STS: variants seen among roughly 807,000 people sequenced by gnomAD.
STS encodes the protein steroid sulfatase.
In STS, 7 loss-of-function variants were observed where a neutral mutation model predicts 26.8. The observed-to-expected ratio is 0.26, with a 90% CI of 0.15 to 0.49. The LOEUF is 0.49. Ranked by LOEUF, STS falls within the 20% of genes least tolerant of loss-of-function variation. STS has a pLI of 0.98. For synonymous variants in STS, 199 were observed against 189.4 expected (o/e 1.05, Z -0.42); for missense variants, 434 against 465.6 (o/e 0.93, Z 0.63).
At position 7,308,092 on chromosome X, in the gene STS, C is replaced by T. The variant is rs1444693747; in HGVS notation, c.1081+2909C>T. 3.6e-5 allele frequency among the ~76,000 whole-genome samples: 4 copies of T among 112,283 alleles called. No individual in the cohort carries two copies. In the East Asian group the frequency reaches 1.1e-3, roughly 32 times the overall value. On this transcript the variant is annotated intron_variant, in intron 8 of 10. Coordinates refer to ENST00000674429, the MANE Select transcript of STS (RefSeq NM_001320752.2). ...CTGCCTGGGGGAGTCCAGCAGGCCC[C>T]TAAGAGGGGTCCCTGCTCCATCTCA...
chrX:7,209,985 A>G (rs1289433345), intron 2 of STS, among the ~76,000 whole-genome samples: 7 of 111,684 alleles, frequency 6.3e-5, no homozygotes, highest in Admixed American at 5.7e-4. Context: ...GTAGTATTCC[A>G]TGATGTATAT....
intron 1 of STS, among the ~76,000 whole-genome samples, chrX:7,185,242 C>A (rs16984430): frequency 0.016 from 1,852 of 112,943 alleles, 36 homozygotes; most frequent in African/African-American, 0.053. Flanking sequence ...TCAAGGCCAA[C>A]AATGAACAGA....
chrX:7,340,255 G>A (rs1382839195), intron 10 of STS, among the ~76,000 whole-genome samples: 1 of 110,585 alleles, frequency 9.0e-6, no homozygotes, highest in Admixed American at 9.7e-5. Flanking sequence ...ACTTCAACAC[G>A]GGGTGTCTCT....
chrX:7,201,277 T>A lies in STS; in HGVS notation c.-5+10269T>A, dbSNP rs746736436. On this transcript the variant is annotated intron_variant, in intron 2 of 10. Transcript: ENST00000674429. ...GATGGATGGATAGATAGATAGCAGTTTCCATTTCTGTACTTTTATGGTTTT... is the reference window on the plus strand; with the variant it reads ...GATGGATGGATAGATAGATAGCAGTATCCATTTCTGTACTTTTATGGTTTT... Among the ~76,000 whole-genome samples the A allele has an allele frequency of 2.7e-5, 3 of 111,753 alleles. No individual in the cohort carries two copies. The South Asian group carries it at 1.1e-3, about 42-fold the overall frequency.
chrX:7,246,347 G>A (rs1292034958), intron 2 of STS, among the ~76,000 whole-genome samples: 3 of 108,890 alleles, frequency 2.8e-5, no homozygotes, highest in African/African-American at 1.0e-4. Flanking sequence ...TGTCGCTCAG[G>A]CTGGAGTGCA....
At chrX:7,345,320 G>A (rs1245256591) in intron 10 of STS, among the ~76,000 whole-genome samples, 2 of 111,766 alleles carry the variant, frequency 1.8e-5, no homozygotes, top group African/African-American at 3.3e-5. Flanking sequence ...TAAGCTATTA[G>A]TCTATGTGTA....
chrX:7,177,481 T>TA lies in STS; in HGVS notation c.-133-13399_-133-13398insA, dbSNP rs764705770. The stretch of plus-strand genomic sequence containing the variant: ...ATATTATATATGTATATATATATAT[T>TA]TTTTTTTGGAGTTGGGACAGGGTGT... On this transcript the variant is annotated intron_variant, in intron 1 of 10. Transcript: ENST00000674429. Among the ~76,000 whole-genome samples, 959 of 104,322 alleles carry TA rather than the reference T, an allele frequency of 9.2e-3. 3 individuals carry two copies. Among genetic ancestry groups the TA allele is most frequent in the African/African-American group, 0.019 (554 of 28,734 alleles). 90.6% of individuals were successfully genotyped at this position (104,322 alleles called of 115,157 possible).
chrX:7,270,467 A>G (rs1355686009), intron 6 of STS, among the ~76,000 whole-genome samples: 1 of 111,968 alleles, frequency 8.9e-6, no homozygotes, highest in Non-Finnish European at 1.9e-5. Flanking sequence ...TGTCTAGCCA[A>G]CATTCCCATG....
intron 7 of STS, 106 bp from the exon 8 acceptor site, chrX:7,304,940 C>T (rs1926141187): frequency 1.0e-6 from 1 of 961,406 alleles, no homozygotes; most frequent in South Asian, 2.0e-5. Flanking sequence ...TATGTAAGAA[C>T]GTTTACTTCC....
intron 1 of STS, among the ~76,000 whole-genome samples, chrX:7,171,872 C>G (rs1198902807): frequency 9.0e-6 from 1 of 111,662 alleles, no homozygotes; most frequent in African/African-American, 3.3e-5. Flanking sequence ...ACTCTAGAAC[C>G]ATTTCTTTTC....
At chrX:7,309,842 C>G (rs1264533943) in intron 8 of STS, among the ~76,000 whole-genome samples, 2 of 111,351 alleles carry the variant, frequency 1.8e-5, no homozygotes, top group African/African-American at 6.5e-5. Context: ...TAAATTTTGT[C>G]TTTGTCAAAA....
intron 1 of STS, among the ~76,000 whole-genome samples, chrX:7,151,976 G>A (rs377554705): frequency 5.4e-5 from 6 of 111,329 alleles, no homozygotes; most frequent in African/African-American, 1.6e-4. Context: ...TTTTTGAGAT[G>A]GAGTCTCACT....
intron 10 of STS, among the ~76,000 whole-genome samples, chrX:7,339,770 C>A (rs1410051944): frequency 9.0e-6 from 1 of 111,598 alleles, no homozygotes; most frequent in Non-Finnish European, 1.9e-5. Context: ...ACAGTCATTT[C>A]CAACAGTGGA....
intron 3 of STS, among the ~76,000 whole-genome samples, chrX:7,256,253 C>T (rs1389469071): frequency 9.0e-6 from 1 of 111,685 alleles, no homozygotes; most frequent in Non-Finnish European, 1.9e-5. Context: ...AATGACTTCC[C>T]AAAATGTTCA....
intron 2 of STS, among the ~76,000 whole-genome samples, chrX:7,195,250 C>G (rs1054704557): frequency 8.9e-6 from 1 of 111,751 alleles, no homozygotes; most frequent in African/African-American, 3.3e-5. Flanking sequence ...TACCACCCTC[C>G]AAACTTCTCA....
At chrX:7,216,965 G>T (rs758427059) in intron 2 of STS, among the ~76,000 whole-genome samples, 6 of 111,439 alleles carry the variant, frequency 5.4e-5, no homozygotes, top group Non-Finnish European at 1.1e-4. Context: ...CGCAACAGGT[G>T]CAGGGACCAC....
chrX:7,348,142 C>T (rs182779621), intron 10 of STS, among the ~76,000 whole-genome samples: 13 of 111,265 alleles, frequency 1.2e-4, no homozygotes, highest in Admixed American at 1.2e-3. Context: ...ATATATTAAT[C>T]TAAACGTATT....
chrX:7,309,325 A>G (rs976171491), intron 8 of STS, among the ~76,000 whole-genome samples: 2 of 110,961 alleles, frequency 1.8e-5, no homozygotes, highest in African/African-American at 6.6e-5. Context: ...CTCACTTATA[A>G]GTGAGAGCTA....
At chrX:7,272,812 G>A (rs1357280204) in intron 6 of STS, among the ~76,000 whole-genome samples, 1 of 111,393 alleles carries the variant, frequency 9.0e-6, no homozygotes, top group African/African-American at 3.3e-5. Flanking sequence ...AAGAGCTCTG[G>A]TGTCGTGGAA....
Sources: allele counts gnomAD v4.1 joint callset (sites outside exome capture counted in the v4.1 genomes callset), GRCh38; gene constraint gnomAD v4.1.1; transcripts MANE v1.5; gene names NCBI Gene and HGNC (gene_info 2026-07-23, HGNC 2026-07-21).